SPATA13: variants seen among roughly 807,000 people sequenced by gnomAD.
SPATA13 encodes the protein spermatogenesis-associated protein 13.
In SPATA13, 50 loss-of-function variants were observed where a neutral mutation model predicts 104.0. The ratio of observed to expected loss-of-function variants is 0.48; its 90% CI spans 0.38 to 0.61. SPATA13 has a LOEUF of 0.61. Among genes scored for constraint, SPATA13 ranks in the 20% least tolerant of loss-of-function variants. The pLI is 0.00. For missense variants in SPATA13, 1,524 were observed against 1,690.6 expected, an observed-to-expected ratio of 0.90 and a Z score of 1.73; for synonymous variants, 606 against 667.5, an observed-to-expected ratio of 0.91 and a Z score of 1.42.
rs557293722 is a variant in SPATA13, at chr13:24,047,776, A to G, written c.-112+30075A>G. 4.6e-5 allele frequency among the ~76,000 whole-genome samples: 7 copies of G among 152,360 alleles called. 1 individual carries two copies. Among genetic ancestry groups the G allele is most frequent in the African/African-American group, 7.2e-5 (3 of 41,588 alleles). On this transcript the variant is annotated intron_variant, in intron 3 of 14. Transcript: ENST00000424834. ...GAACCAATAGAATCTGTATAGATAT[A>G]TGGAAAGAGACTTATGATGAGGGAC... is the stretch of plus-strand genomic sequence containing the variant.
chr13:24,189,604 A>T (rs1869392020), intron 1 of SPATA13, among the ~76,000 whole-genome samples: 1 of 118,222 alleles, frequency 8.5e-6, no homozygotes, highest in Admixed American at 1.1e-4. Flanking sequence ...TATAAATATA[A>T]AATTATATTT....
chr13:24,104,507 G>A (rs985595047), intron 3 of SPATA13, among the ~76,000 whole-genome samples: 2 of 152,236 alleles, frequency 1.3e-5, no homozygotes, highest in African/African-American at 2.4e-5. Flanking sequence ...ACATATGCAG[G>A]TATCTTCATC....
At chr13:24,123,723 C>T (rs1002422338) in intron 3 of SPATA13, 2 of 1,540,324 alleles carry the variant, frequency 1.3e-6, no homozygotes, top group Non-Finnish European at 1.8e-6. Context: ...ATCTGTATAG[C>T]ACATCAGTGG....
At chr13:24,139,590 A>G (rs1340049164) in intron 3 of SPATA13, among the ~76,000 whole-genome samples, 2 of 152,196 alleles carry the variant, frequency 1.3e-5, no homozygotes, top group East Asian at 1.9e-4. Context: ...GATTTTAAAA[A>G]CATGTACATT....
At chr13:24,256,122 T>A (rs1372658235) in intron 4 of SPATA13, among the ~76,000 whole-genome samples, 2 of 152,222 alleles carry the variant, frequency 1.3e-5, no homozygotes, top group Non-Finnish European at 2.9e-5. Flanking sequence ...TGGTATTATC[T>A]GCTTTTGTGT....
chr13:24,294,678 T>G, intron 9 of SPATA13, 61 bp from the exon 10 acceptor site: 1 of 1,521,578 alleles, frequency 6.6e-7, no homozygotes, highest in Non-Finnish European at 8.9e-7. Context: ...GTGGATTATT[T>G]TGCCAGTCCT....
chr13:24,189,212 C>G (rs1304918996), intron 1 of SPATA13, among the ~76,000 whole-genome samples: 1 of 152,056 alleles, frequency 6.6e-6, no homozygotes, highest in Non-Finnish European at 1.5e-5. Flanking sequence ...TGGCTCATGC[C>G]TGTAATCCCA....
intron 3 of SPATA13, among the ~76,000 whole-genome samples, chr13:24,041,902 G>A (rs949707319): frequency 6.6e-6 from 1 of 152,208 alleles, no homozygotes; most frequent in African/African-American, 2.4e-5. Context: ...ATCAGAGTGA[G>A]GCGTAACGGT....
At chr13:24,209,760 T>C (rs1450779573) in intron 1 of SPATA13, among the ~76,000 whole-genome samples, 1 of 152,110 alleles carries the variant, frequency 6.6e-6, no homozygotes, top group African/African-American at 2.4e-5. Context: ...GGTGTTGATT[T>C]CGTTTTTTTG....
At chr13:24,174,520 T>C (rs1472306260) in intron 1 of SPATA13, among the ~76,000 whole-genome samples, 1 of 152,156 alleles carries the variant, frequency 6.6e-6, no homozygotes, top group East Asian at 1.9e-4. Flanking sequence ...TTTTATGTGT[T>C]GCATTTTCAT....
chr13:24,278,909 CTTCCTTCCTTCCTTCCCTCT>C (rs1481416650), intron 4 of SPATA13: 12 of 1,231,988 alleles, frequency 9.7e-6, no homozygotes, highest in African/African-American at 3.6e-5. Flanking sequence ...TCCTTCCTTC[CTTCCTTCCTTCCTTCCCTCT>C]TTCCTTCCTT....
chr13:24,190,995 AACC>A (rs1257869251), intron 1 of SPATA13, among the ~76,000 whole-genome samples: 1 of 152,188 alleles, frequency 6.6e-6, no homozygotes, highest in Non-Finnish European at 1.5e-5. Flanking sequence ...AGCCTTCAGT[AACC>A]ACCACCCAGA....
intron 1 of SPATA13, among the ~76,000 whole-genome samples, chr13:23,982,218 A>G (rs1019290861): frequency 6.6e-5 from 10 of 152,252 alleles, no homozygotes; most frequent in Admixed American, 1.3e-4. Flanking sequence ...TAGAGAGGTC[A>G]TAGGAAAAAT....
chr13:24,302,874 A>C lies in SPATA13; in HGVS notation c.*101A>C, dbSNP rs780310073. ...GGGAAAGTTTCTTGGACCCAGTGATAAAAACTTCCTTTTAGGGATCAATGA... is the reference window on the plus strand; with the variant it reads ...GGGAAAGTTTCTTGGACCCAGTGATCAAAACTTCCTTTTAGGGATCAATGA... On this transcript the variant is annotated 3_prime_UTR_variant, in exon 13 of 13. Transcript: ENST00000382108. 8.1e-6 allele frequency: 12 copies of C among 1,485,110 alleles called. No individual in the cohort carries two copies. In the South Asian group the frequency reaches 1.4e-4, roughly 17 times the overall value. 92.0% of individuals were successfully genotyped at this position (1,485,110 alleles called of 1,614,324 possible).
At chr13:24,032,421 G>A (rs919962531) in intron 3 of SPATA13, among the ~76,000 whole-genome samples, 3 of 152,190 alleles carry the variant, frequency 2.0e-5, no homozygotes, top group African/African-American at 7.2e-5. Context: ...AGTCCACATG[G>A]TATTATTCTT....
chr13:24,250,836 C>G (rs1231188688), intron 3 of SPATA13, among the ~76,000 whole-genome samples: 1 of 152,186 alleles, frequency 6.6e-6, no homozygotes, highest in Non-Finnish European at 1.5e-5. Context: ...CAAATTGTCA[C>G]GCATTTTAAC....
At chr13:24,213,412 G>A (rs1205027885) in intron 1 of SPATA13, among the ~76,000 whole-genome samples, 4 of 152,140 alleles carry the variant, frequency 2.6e-5, no homozygotes, top group African/African-American at 4.8e-5. Context: ...GACTACAGGT[G>A]TGGGCCACCA....
chr13:24,098,237 CA>C (rs1880143510), intron 3 of SPATA13, among the ~76,000 whole-genome samples: 1 of 151,936 alleles, frequency 6.6e-6, no homozygotes, highest in Non-Finnish European at 1.5e-5. Flanking sequence ...AGAAAATAAA[CA>C]GAAATAAAAT....
intron 3 of SPATA13, among the ~76,000 whole-genome samples, chr13:24,119,953 CAGA>C (rs1371896867): frequency 1.3e-5 from 2 of 152,182 alleles, no homozygotes. Flanking sequence ...GGAGCAAATG[CAGA>C]AGTTTTCTTC....
Sources: gnomAD v4.1 joint callset for allele counts (sites outside exome capture counted in the v4.1 genomes callset) on GRCh38, gnomAD v4.1.1 for gene constraint, MANE v1.5 for transcripts, NCBI Gene and HGNC (gene_info 2026-07-23, HGNC 2026-07-21) for gene names.